The following BARX2 variants were observed in gnomAD, a reference collection of about 807,000 sequenced individuals.
BARX2 encodes homeobox protein BarH-like 2.
In BARX2, 11 loss-of-function variants were observed where a neutral mutation model predicts 25.5. The observed-to-expected ratio is 0.43, with a 90% CI of 0.27 to 0.71. BARX2 has a LOEUF of 0.71. BARX2 is among the 30% of genes least tolerant of loss of function. The pLI is 0.19. For missense variants in BARX2, 360 were observed against 359.9 expected, an observed-to-expected ratio of 1.00 and a Z score of 0.00; for synonymous variants, 137 against 149.5, an observed-to-expected ratio of 0.92 and a Z score of 0.61.
At chr11:129,429,699 A>G (rs1862108055) in intron 1 of BARX2, among the ~76,000 whole-genome samples, 3 of 152,168 alleles carry the variant, frequency 2.0e-5, no homozygotes, top group Admixed American at 6.5e-5. Flanking sequence ...GTTCAGTAGA[A>G]CAGGACAAAA....
At chr11:129,408,020 CAAAAAAAAAAAAA>C (rs59310534) in intron 1 of BARX2, among the ~76,000 whole-genome samples, 1 of 46,490 alleles carries the variant, frequency 2.2e-5, no homozygotes, top group African/African-American at 7.8e-5. Context: ...GACTCCGTCT[CAAAAAAAAAAAAA>C]AAAAAAAAAA....
chr11:129,417,498 C>T (rs377366647), intron 1 of BARX2, among the ~76,000 whole-genome samples: 116 of 152,326 alleles, frequency 7.6e-4, no homozygotes, highest in African/African-American at 2.7e-3. Flanking sequence ...ACGAAAGGAA[C>T]GCGTGCCTGC....
chr11:129,432,226 T>C (rs1450360651), intron 1 of BARX2, among the ~76,000 whole-genome samples: 1 of 151,972 alleles, frequency 6.6e-6, no homozygotes, highest in East Asian at 1.9e-4. Context: ...CCACACCAGC[T>C]AATTTTTGTA....
chr11:129,424,344 C>A (rs1250968600), intron 1 of BARX2, among the ~76,000 whole-genome samples: 1 of 152,180 alleles, frequency 6.6e-6, no homozygotes, highest in Non-Finnish European at 1.5e-5. Context: ...AACATTCCCA[C>A]GTTGCAGACA....
intron 1 of BARX2, among the ~76,000 whole-genome samples, chr11:129,396,146 A>G (rs902940230): frequency 6.6e-6 from 1 of 152,124 alleles, no homozygotes; most frequent in Non-Finnish European, 1.5e-5. Context: ...GCTTCCTTCC[A>G]GCAAAGACTG....
In BARX2 at chr11:129,378,497, AAAC is replaced by A. The variant is rs1259806336; in HGVS notation, c.187+2284_187+2286del. 4.6e-5 allele frequency among the ~76,000 whole-genome samples: 7 copies of A among 152,100 alleles called. No homozygotes were observed. In the East Asian group the frequency reaches 1.2e-3, roughly 25 times the overall value. On this transcript the variant is annotated intron_variant, in intron 1 of 3. Coordinates refer to ENST00000281437, the MANE Select transcript of BARX2 (RefSeq NM_003658.5). ...TGTAATCTTTTTTCTTATTAATTAA[AAAC>A]AACAACAATAAGTTGCTGGCATCCC...
intron 1 of BARX2, among the ~76,000 whole-genome samples, chr11:129,410,512 C>G (rs777529588): frequency 6.6e-6 from 1 of 152,112 alleles, no homozygotes; most frequent in Non-Finnish European, 1.5e-5. Context: ...TGACTTGGGC[C>G]GTCTCTTTAT....
rs762376633 is a variant in BARX2, at chr11:129,376,754, A to C, written c.187+532A>C. On this transcript the variant is annotated intron_variant, in intron 1 of 3. Coordinates refer to ENST00000281437, the MANE Select transcript of BARX2 (RefSeq NM_003658.5). This position sits in a 1 kb window ranked among gnomAD's most constrained non-coding sequence, Gnocchi z 4.2. ...CTCTGAGAAAGTAGTTCTGAAGTAC[A>C]TTGTCTTTGTGGCACAAGCCGAAAA... 3.3e-4 allele frequency among the ~76,000 whole-genome samples: 50 copies of C among 152,288 alleles called. 1 individual carries two copies. The highest frequency in any genetic ancestry group is 2.9e-4 in the Non-Finnish European group (20 of 68,038).
At chr11:129,419,898 G>A (rs1311341333) in intron 1 of BARX2, among the ~76,000 whole-genome samples, 1 of 151,722 alleles carries the variant, frequency 6.6e-6, no homozygotes, top group Non-Finnish European at 1.5e-5. Flanking sequence ...CTCATGCCTC[G>A]GCCTCCCAAG....
At chr11:129,375,737 C>T (rs559713383), upstream of BARX2, among the ~76,000 whole-genome samples, 3 of 144,216 alleles carry the variant, frequency 2.1e-5, no homozygotes, top group African/African-American at 7.5e-5. The surrounding 1 kb of genome is among the most constrained non-coding windows in gnomAD (Gnocchi z 4.0). Context: ...CGGGCGGGGG[C>T]GGGGTGGGCG....
intron 3 of BARX2, among the ~76,000 whole-genome samples, chr11:129,445,137 A>G (rs1862309727): frequency 1.3e-5 from 2 of 152,174 alleles, no homozygotes; most frequent in Admixed American, 1.3e-4. Flanking sequence ...CTTTTGGGGG[A>G]TTGGTCTCTA....
In BARX2 at chr11:129,376,360, A is replaced by G. The variant is rs1861504355; in HGVS notation, c.187+138A>G. On this transcript the variant is annotated intron_variant, in intron 1 of 3. Coordinates refer to ENST00000281437, the MANE Select transcript of BARX2 (RefSeq NM_003658.5). This position sits in a 1 kb window ranked among gnomAD's most constrained non-coding sequence, Gnocchi z 4.2. ...TCCTGCGCCTCAGCAAGCGGTGGGC[A>G]TTGCAAAGGCATCTGCGACGTGGCC... 1.1e-6 allele frequency: 1 copy of G among 889,238 alleles called. No individual in the cohort carries two copies. Among genetic ancestry groups the G allele is most frequent in the South Asian group, 1.7e-5 (1 of 57,352 alleles). The allele number at this position is 889,238 out of a possible 1,614,324, so 55.1% of individuals were successfully genotyped here. A position where few individuals can be genotyped will look rare whatever the true frequency, so the allele number is the denominator to read the frequency against.
chr11:129,393,026 T>C (rs948929487), intron 1 of BARX2, among the ~76,000 whole-genome samples: 1 of 152,160 alleles, frequency 6.6e-6, no homozygotes, highest in Non-Finnish European at 1.5e-5. Flanking sequence ...ATCCTAGGAC[T>C]GTGAGAGGCC....
At position 129,376,342 on chromosome 11, in the gene BARX2, C is replaced by T; in HGVS notation, c.187+120C>T. The T allele has an allele frequency of 9.5e-7, 1 of 1,052,052 alleles. No homozygotes were observed. The highest frequency in any genetic ancestry group is 1.3e-6 in the Non-Finnish European group (1 of 742,890). The allele number at this position is 1,052,052 out of a possible 1,614,324, so 65.2% of individuals were successfully genotyped here. A position where few individuals can be genotyped will look rare whatever the true frequency, so the allele number is the denominator to read the frequency against. ...TAAGTTAAGGGATTCTTTTCCTGCGCCTCAGCAAGCGGTGGGCATTGCAAA... is the reference window on the plus strand; with the variant it reads ...TAAGTTAAGGGATTCTTTTCCTGCGTCTCAGCAAGCGGTGGGCATTGCAAA... On this transcript the variant is annotated intron_variant, in intron 1 of 3. Transcript: ENST00000281437. This position sits in a 1 kb window ranked among gnomAD's most constrained non-coding sequence, Gnocchi z 4.2.
rs570895559 is a variant in BARX2 at position 129,426,948 on chromosome 11, C to T, written c.188-9803C>T. On this transcript the variant is annotated intron_variant, in intron 1 of 3. Coordinates refer to ENST00000281437, the MANE Select transcript of BARX2 (RefSeq NM_003658.5). ...CAGTCTCGGTATATGGCTGCAAGGG[C>T]ATTGGAAGACTTCCATTGAGCAAAG... Among the ~76,000 whole-genome samples, 14 of 152,260 alleles carry T rather than the reference C, an allele frequency of 9.2e-5. No homozygotes were observed. In the South Asian group the frequency reaches 2.9e-3, roughly 32 times the overall value.
intron 1 of BARX2, among the ~76,000 whole-genome samples, chr11:129,385,191 TC>T (rs1174382778): frequency 5.3e-5 from 8 of 152,288 alleles, no homozygotes; most frequent in African/African-American, 1.9e-4. Context: ...TTCTCCACAC[TC>T]CGGCGGGAGT....
At chr11:129,414,558 T>G (rs1861925216) in intron 1 of BARX2, among the ~76,000 whole-genome samples, 1 of 152,196 alleles carries the variant, frequency 6.6e-6, no homozygotes. Flanking sequence ...AAGTCTCAGA[T>G]GAGAAACTTC....
Position 129,451,561 on chromosome 11 carries a change from G to A in BARX2, c.*159G>A, listed in dbSNP as rs188216822. ...CACAGTTACCATTGGCCTTGTCATCGCAAGCATTTGACAAAGACTTGCTTG... is the reference window on the plus strand; with the variant it reads ...CACAGTTACCATTGGCCTTGTCATCACAAGCATTTGACAAAGACTTGCTTG... On this transcript the variant is annotated 3_prime_UTR_variant, in exon 4 of 4. Coordinates refer to ENST00000281437, the MANE Select transcript of BARX2 (RefSeq NM_003658.5). 3.3e-5 allele frequency: 28 copies of A among 840,928 alleles called. No homozygotes were observed. Among genetic ancestry groups the A allele is most frequent in the Admixed American group, 2.1e-4 (7 of 33,902 alleles). The allele number at this position is 840,928 out of a possible 1,614,324, so 52.1% of individuals were successfully genotyped here.
Position 129,412,211 on chromosome 11 carries a change from G to C in BARX2, c.188-24540G>C, listed in dbSNP as rs1158641710. On this transcript the variant is annotated intron_variant, in intron 1 of 3. Transcript: ENST00000281437. ...GGCGTGAACCTGGGAGGCGGAGCTT[G>C]CAGTGAACCGAGATCGCGTCACTGC... is the stretch of plus-strand genomic sequence containing the variant. Among the ~76,000 whole-genome samples the C allele has an allele frequency of 3.9e-5, 6 of 152,006 alleles. No homozygotes were observed. In the East Asian group the frequency reaches 9.7e-4, roughly 25 times the overall value.
Sources: allele counts gnomAD v4.1 joint callset (sites outside exome capture counted in the v4.1 genomes callset), GRCh38; gene constraint gnomAD v4.1.1; non-coding constraint Gnocchi (gnomAD v3.1); transcripts MANE v1.5; gene names NCBI Gene and HGNC (gene_info 2026-07-23, HGNC 2026-07-21).